Variants in TMEM143 observed in about 807,000 individuals in gnomAD.
The protein encoded by TMEM143 is transmembrane protein 143.
TMEM143 carries 45 observed loss-of-function variants against 40.3 expected under a neutral mutation model. That is an observed-to-expected ratio of 1.12 (90% confidence interval 0.88 to 1.43). The LOEUF (loss-of-function observed/expected upper bound fraction) is 1.43, where lower values mean the gene tolerates loss of function less well. TMEM143 is among the 40% of genes most tolerant of loss of function. The pLI is 0.00. For missense variants in TMEM143, 620 were observed against 613.4 expected (o/e 1.01, Z -0.11); for synonymous variants, 299 against 282.7 (o/e 1.06, Z -0.58).
At position 48,342,757 on chromosome 19, in the gene TMEM143, C is replaced by T. The variant is rs766256008; in HGVS notation, c.748G>A (p.Val250Ile). The T allele has an allele frequency of 6.2e-7, 1 of 1,612,726 alleles. No individual in the cohort carries two copies. Among genetic ancestry groups the T allele is most frequent in the South Asian group, 1.1e-5 (1 of 91,056 alleles). Residue 250 changes from valine (V) to isoleucine (I), a missense_variant, in exon 6 of 8, where the codon GTA (valine) becomes ATA (isoleucine). Transcript: ENST00000293261. The stretch of plus-strand genomic sequence containing the variant: ...GGCGTGTCCTTGAAACTCTTCAGTA[C>T]CAGGTGTCCCCGTTTGGTCCGGGCT... ...LAARTKRGHL[V>I]LKSFKDTPLE... is the part of the protein sequence containing the mutation.
chr19:48,336,439 C>T (rs112759943), intron 6 of TMEM143, among the ~76,000 whole-genome samples: 18 of 151,844 alleles, frequency 1.2e-4, no homozygotes, highest in African/African-American at 4.1e-4. Flanking sequence ...GCAGGAGAGT[C>T]GCTTGAGCCC....
chr19:48,339,777 G>A (rs1274748108), intron 6 of TMEM143, among the ~76,000 whole-genome samples: 1 of 152,126 alleles, frequency 6.6e-6, no homozygotes, highest in East Asian at 1.9e-4. Context: ...CACCGAGGCT[G>A]GAATGCAGTG....
chr19:48,343,155 C>CA (rs1969543693), intron 5 of TMEM143, 166 bp downstream of exon 5: 4 of 888,350 alleles, frequency 4.5e-6, no homozygotes, highest in Non-Finnish European at 6.7e-6. Context: ...GTGTAGTACT[C>CA]ACTTTCCCTT....
At chr19:48,354,733 G>A (rs1035168186) in intron 3 of TMEM143, among the ~76,000 whole-genome samples, 17 of 152,152 alleles carry the variant, frequency 1.1e-4, no homozygotes, top group South Asian at 6.2e-4. Context: ...ATGAATCAGC[G>A]AAAAAAGATC....
intron 5 of TMEM143, 153 bp downstream of exon 5, chr19:48,343,168 G>A: frequency 2.0e-6 from 2 of 1,001,042 alleles, no homozygotes; most frequent in African/African-American, 1.6e-5. Flanking sequence ...TTTCCCTTGA[G>A]AAGAAAAGAC....
At chr19:48,343,527 G>C in intron 4 of TMEM143, 76 bp from the exon 5 acceptor site, 1 of 1,483,842 alleles carries the variant, frequency 6.7e-7, no homozygotes, top group Non-Finnish European at 9.1e-7. Context: ...AGAATCAGAT[G>C]TCCTGCCCCT....
chr19:48,362,124 G>A (rs1365067092), intron 2 of TMEM143, among the ~76,000 whole-genome samples: 1 of 152,076 alleles, frequency 6.6e-6, no homozygotes, highest in Non-Finnish European at 1.5e-5. Flanking sequence ...ACATATTTGT[G>A]TATTTGTGTG....
intron 6 of TMEM143, among the ~76,000 whole-genome samples, chr19:48,337,242 T>C (rs142150715): frequency 4.9e-4 from 75 of 151,730 alleles, no homozygotes; most frequent in African/African-American, 1.8e-3. Flanking sequence ...AGGAAGTCAA[T>C]ACACGGTTAA....
At position 48,345,192 on chromosome 19, in the gene TMEM143, G is replaced by C; in HGVS notation, c.532C>G (p.Leu178Val). 6.2e-7 allele frequency: 1 copy of C among 1,613,656 alleles called. No homozygotes were observed. Among genetic ancestry groups the C allele is most frequent in the Non-Finnish European group, 8.5e-7 (1 of 1,179,780 alleles). Residue 178 changes from leucine (L) to valine (V), a missense_variant, in exon 4 of 8, where the codon CTG (leucine) becomes GTG (valine). Coordinates refer to ENST00000293261, the MANE Select transcript of TMEM143 (RefSeq NM_018273.4). Reference sequence around the variant, plus strand: ...TCATCCTGAGGGTGGTGGACCACCAGCGCGTAGGCCAGGGTGTCCTCAGAC... The same window carrying C: ...TCATCCTGAGGGTGGTGGACCACCACCGCGTAGGCCAGGGTGTCCTCAGAC... ...PLSEDTLAYA[L>V]VVHHPQDEVQ...
At position 48,332,620 on chromosome 19, in the gene TMEM143, T is replaced by C. The variant is rs1418341015; in HGVS notation, c.*599A>G. The C allele has an allele frequency of 3.9e-5, 6 of 152,240 alleles. No homozygotes were observed. The highest frequency in any genetic ancestry group is 1.4e-4 in the African/African-American group (6 of 41,468). 9.4% of individuals were successfully genotyped at this position (152,240 alleles called of 1,614,324 possible). ...CAGCCTAGACACCCTGATCAGCAGC[T>C]GACCAGTTGGCCTGCCATTTAAGCA... On this transcript the variant is annotated 3_prime_UTR_variant, in exon 8 of 8. Transcript: ENST00000293261.
intron 3 of TMEM143, among the ~76,000 whole-genome samples, chr19:48,351,819 C>T (rs1483498896): frequency 6.6e-6 from 1 of 152,096 alleles, no homozygotes; most frequent in African/African-American, 2.4e-5. Flanking sequence ...ACACCCCCTC[C>T]CTTGCTTTCC....
intron 2 of TMEM143, among the ~76,000 whole-genome samples, chr19:48,361,159 T>C (rs551928160): frequency 2.6e-5 from 4 of 151,572 alleles, no homozygotes; most frequent in Non-Finnish European, 5.9e-5. Flanking sequence ...AGGGCTGCAG[T>C]GTCTGTGGGA....
chr19:48,363,690 T>C (rs1194737818), intron 1 of TMEM143, 159 bp from the exon 2 acceptor site: 1 of 1,373,612 alleles, frequency 7.3e-7, no homozygotes, highest in East Asian at 2.5e-5. Flanking sequence ...CTTCCCACAC[T>C]GCTCAGTTGG....
At chr19:48,347,809 G>T (rs1969672052) in intron 3 of TMEM143, among the ~76,000 whole-genome samples, 1 of 150,758 alleles carries the variant, frequency 6.6e-6, no homozygotes, top group Non-Finnish European at 1.5e-5. Context: ...ACCTGCCTTG[G>T]CCTCCCAACG....
At chr19:48,336,396 G>C (rs1969367226) in intron 6 of TMEM143, among the ~76,000 whole-genome samples, 1 of 151,922 alleles carries the variant, frequency 6.6e-6, no homozygotes, top group Non-Finnish European at 1.5e-5. Flanking sequence ...ATGGTGACAG[G>C]CACCTGTAAT....
intron 6 of TMEM143, among the ~76,000 whole-genome samples, chr19:48,341,625 A>T (rs1440166299): frequency 6.6e-6 from 1 of 152,122 alleles, no homozygotes; most frequent in Non-Finnish European, 1.5e-5. Context: ...TGTGCATGTT[A>T]ATTCATTTAA....
intron 3 of TMEM143, among the ~76,000 whole-genome samples, chr19:48,350,463 G>A (rs896020585): frequency 7.9e-5 from 12 of 152,004 alleles, no homozygotes; most frequent in African/African-American, 2.4e-4. Flanking sequence ...CATGCCCATC[G>A]CCCTCATGGT....
At chr19:48,347,290 AG>A (rs1156986501) in intron 3 of TMEM143, among the ~76,000 whole-genome samples, 1 of 152,132 alleles carries the variant, frequency 6.6e-6, no homozygotes, top group Non-Finnish European at 1.5e-5. Flanking sequence ...TGTTCAGGCC[AG>A]GTGCGATTCT....
Position 48,345,447 on chromosome 19 carries a change from T to TTTATTTAC in TMEM143, c.370-94_370-93insGTAAATAA, listed in dbSNP as rs546963367. 362 of 599,594 alleles carry TTTATTTAC rather than the reference T, an allele frequency of 6.0e-4. 3 individuals carry two copies. The highest frequency in any genetic ancestry group is 2.7e-3 in the African/African-American group (110 of 40,938). 37.1% of individuals were successfully genotyped at this position (599,594 alleles called of 1,614,324 possible). A position where few individuals can be genotyped will look rare whatever the true frequency, so the allele number is the denominator to read the frequency against. On this transcript the variant is annotated intron_variant, in intron 3 of 7. Coordinates refer to ENST00000293261, the MANE Select transcript of TMEM143 (RefSeq NM_018273.4). ...GGACATCCCTCTCCAGATACTTTCA[T>TTTATTTAC]TTATTTATTTATTTATTTATTTATT...
Sources: allele counts gnomAD v4.1 joint callset (sites outside exome capture counted in the v4.1 genomes callset), GRCh38; gene constraint gnomAD v4.1.1; transcripts MANE v1.5; gene names NCBI Gene and HGNC (gene_info 2026-07-23, HGNC 2026-07-21).